Variants in ARSJ observed in about 807,000 individuals in gnomAD.
The protein encoded by ARSJ is arylsulfatase J.
Under a neutral mutation model 35.9 loss-of-function variants are expected in ARSJ, and 26 were observed. The observed-to-expected ratio is 0.72, with a 90% confidence interval of 0.53 to 1.00. The LOEUF (loss-of-function observed/expected upper bound fraction) is 1.00, where lower values mean the gene tolerates loss of function less well. Among genes scored for constraint, ARSJ ranks in the 50% least tolerant of loss-of-function variants. ARSJ has a pLI of 0.00. For missense variants in ARSJ, 667 were observed against 723.6 expected, an observed-to-expected ratio of 0.92 and a Z score of 0.90; for synonymous variants, 294 against 267.6, an observed-to-expected ratio of 1.10 and a Z score of -0.96.
intron 1 of ARSJ, among the ~76,000 whole-genome samples, chr4:113,908,973 T>TACAA (rs2099669618): frequency 6.6e-6 from 1 of 151,994 alleles, no homozygotes; most frequent in Non-Finnish European, 1.5e-5. Context: ...CTTCTAATTG[T>TACAA]TTAGAAGAGA....
chr4:113,976,015 T>G (rs987842671), intron 1 of ARSJ, among the ~76,000 whole-genome samples: 1 of 152,162 alleles, frequency 6.6e-6, no homozygotes, highest in Non-Finnish European at 1.5e-5. Flanking sequence ...CAGGGGTCTG[T>G]ACACATGAAC....
intron 1 of ARSJ, among the ~76,000 whole-genome samples, chr4:113,949,162 G>A (rs1725693644): frequency 6.6e-6 from 1 of 151,886 alleles, no homozygotes. Context: ...GGCACAGGGA[G>A]GGGAACATAA....
At chr4:113,924,245 G>C (rs1447358058) in intron 1 of ARSJ, among the ~76,000 whole-genome samples, 1 of 151,416 alleles carries the variant, frequency 6.6e-6, no homozygotes, top group Non-Finnish European at 1.5e-5. Flanking sequence ...TCCAACGTTC[G>C]AGGGCAGGAA....
chr4:113,934,743 T>C (rs980819156), intron 1 of ARSJ, among the ~76,000 whole-genome samples: 28 of 151,940 alleles, frequency 1.8e-4, no homozygotes, highest in Admixed American at 1.5e-3. Context: ...CTATTAGATG[T>C]ACATATTTTC....
rs1727741448 is a variant in ARSJ at position 113,978,639 on chromosome 4, G to GT, written c.195dup (p.Leu66ThrfsTer20). ...GAGGTGGAAGTTGTGCTGGGCTCTA[G>GT]TTTCTCTCCAGCTTGAGCTAGTAAG... On this transcript the variant is annotated frameshift_variant, in exon 1 of 2. Transcript: ENST00000315366. LOFTEE classifies it high-confidence loss of function. 1.2e-6 allele frequency: 2 copies of GT among 1,614,080 alleles called. No homozygotes were observed. Among genetic ancestry groups the GT allele is most frequent in the Non-Finnish European group, 1.7e-6 (2 of 1,180,036 alleles).
chr4:113,926,713 GGGTA>G lies in ARSJ; in HGVS notation c.399-23042_399-23039del, dbSNP rs1334909069. Among the ~76,000 whole-genome samples the G allele has an allele frequency of 2.6e-5, 4 of 152,138 alleles. No homozygotes were observed. In the East Asian group the frequency reaches 7.7e-4, roughly 29 times the overall value. On this transcript the variant is annotated intron_variant, in intron 1 of 1. Coordinates refer to ENST00000315366, the MANE Select transcript of ARSJ (RefSeq NM_024590.4). ...TGCTGCTGTGCACAACCCACTTTAT[GGGTA>G]GATGGGTCAGAAAGCATCCAGTTCA...
chr4:113,902,337 C>T lies in ARSJ; in HGVS notation c.1737G>A (p.Lys579=), dbSNP rs754934872. ...AGACTGCTTTCTGCTGTTTCTTCTTCTTTTTTTTGCTTTTCTTTTGCTTTT... is the reference window on the plus strand; with the variant it reads ...AGACTGCTTTCTGCTGTTTCTTCTTTTTTTTTTTGCTTTTCTTTTGCTTTT... ...AEKKQKKSKK[K]KKKQQKAVSG... is the part of the protein sequence containing the mutation. Residue 579 remains lysine, a synonymous_variant, in exon 2 of 2, where the codon AAG becomes AAA. Transcript: ENST00000315366. 6.2e-7 allele frequency: 1 copy of T among 1,613,008 alleles called. No individual in the cohort carries two copies. Among genetic ancestry groups the T allele is most frequent in the African/African-American group, 1.3e-5 (1 of 74,868 alleles).
chr4:113,918,416 A>G (rs1453173599), intron 1 of ARSJ, among the ~76,000 whole-genome samples: 1 of 152,170 alleles, frequency 6.6e-6, no homozygotes, highest in Non-Finnish European at 1.5e-5. Context: ...ATGAGTAAAT[A>G]AATATTTTTG....
intron 1 of ARSJ, among the ~76,000 whole-genome samples, chr4:113,939,078 C>T (rs774857921): frequency 1.5e-5 from 2 of 134,646 alleles, no homozygotes; most frequent in Non-Finnish European, 3.1e-5. Context: ...CACCCCACAA[C>T]AGAGCCCAGA....
intron 1 of ARSJ, among the ~76,000 whole-genome samples, chr4:113,966,063 T>A (rs938640894): frequency 6.6e-6 from 1 of 151,862 alleles, no homozygotes; most frequent in African/African-American, 2.4e-5. Context: ...TTTAAATAAA[T>A]TTCTAATAAA....
chr4:113,944,889 C>CAT (rs948953457), intron 1 of ARSJ, among the ~76,000 whole-genome samples: 26 of 151,754 alleles, frequency 1.7e-4, no homozygotes, highest in African/African-American at 4.1e-4. Flanking sequence ...TGATTGTATA[C>CAT]ATATATATAT....
intron 1 of ARSJ, among the ~76,000 whole-genome samples, chr4:113,933,315 A>T (rs536854778): frequency 3.9e-5 from 6 of 151,936 alleles, no homozygotes; most frequent in Non-Finnish European, 8.8e-5. Flanking sequence ...CTTCAAAAAA[A>T]ATTGAAGAAA....
In ARSJ at chr4:113,927,623, C is replaced by T. The variant is rs1724153921; in HGVS notation, c.399-23948G>A. 2.6e-5 allele frequency among the ~76,000 whole-genome samples: 4 copies of T among 152,174 alleles called. No homozygotes were observed. In the South Asian group the frequency reaches 8.3e-4, roughly 31 times the overall value. ...AATGCATTTGCCAAGTCAGTGGCTG[C>T]ATACCAGGTACCAGGAGATGTATTA... On this transcript the variant is annotated intron_variant, in intron 1 of 1. Transcript: ENST00000315366.
intron 1 of ARSJ, among the ~76,000 whole-genome samples, chr4:113,924,049 ATATAT>A (rs1270878417): frequency 0.063 from 49 of 780 alleles, no homozygotes; most frequent in Admixed American, 0.32. Flanking sequence ...ATATATAAAT[ATATAT>A]AAATATATAT....
At chr4:113,937,972 T>G (rs1037583790) in intron 1 of ARSJ, among the ~76,000 whole-genome samples, 2 of 152,090 alleles carry the variant, frequency 1.3e-5, no homozygotes, top group African/African-American at 4.8e-5. Context: ...GAAAGTAATT[T>G]GCAGATTCAA....
chr4:113,958,820 A>G (rs1726360124), intron 1 of ARSJ, among the ~76,000 whole-genome samples: 1 of 152,020 alleles, frequency 6.6e-6, no homozygotes, highest in East Asian at 1.9e-4. Flanking sequence ...TTTTCTCCTC[A>G]GCCTTCACCT....
intron 1 of ARSJ, chr4:113,970,798 C>T (rs148444346): frequency 1.9e-4 from 29 of 151,942 alleles, no homozygotes; most frequent in Admixed American, 9.8e-4. Flanking sequence ...CTACAAAAAA[C>T]GCAAAAATTA....
Position 113,903,300 on chromosome 4 carries a change from A to G in ARSJ, c.774T>C (p.Pro258=). The G allele has an allele frequency of 1.2e-6, 2 of 1,614,200 alleles. No homozygotes were observed. The highest frequency in any genetic ancestry group is 1.7e-6 in the Non-Finnish European group (2 of 1,180,044). ...QILASHNPTK[P]IFLYIAYQAV... ...CTTGATAGGCAATATATAAAAATAT[A>G]GGCTTTGTGGGGTTATGGGAAGCTA... Residue 258 remains proline, a synonymous_variant, in exon 2 of 2, where the codon CCT becomes CCC. Coordinates refer to ENST00000315366, the MANE Select transcript of ARSJ (RefSeq NM_024590.4).
At chr4:113,929,628 AG>A (rs1205436537) in intron 1 of ARSJ, among the ~76,000 whole-genome samples, 1 of 152,144 alleles carries the variant, frequency 6.6e-6, no homozygotes, top group African/African-American at 2.4e-5. Context: ...GAGGCTGTGC[AG>A]GCACCTTTTT....
Sources: gnomAD v4.1 joint callset for allele counts (sites outside exome capture counted in the v4.1 genomes callset) on GRCh38, gnomAD v4.1.1 for gene constraint, MANE v1.5 for transcripts, NCBI Gene and HGNC (gene_info 2026-07-23, HGNC 2026-07-21) for gene names.